MACROD2: variants seen among roughly 807,000 people sequenced by gnomAD.
The protein encoded by MACROD2 is ADP-ribose glycohydrolase MACROD2.
A neutral mutation model predicts 70.4 loss-of-function variants in MACROD2; 36 were observed. The observed-to-expected ratio is 0.51, with a 90% CI of 0.39 to 0.68. The LOEUF (loss-of-function observed/expected upper bound fraction) is 0.68, where lower values mean the gene tolerates loss of function less well. MACROD2 is among the 30% of genes least tolerant of loss of function. The pLI, the probability that MACROD2 is intolerant of heterozygous loss-of-function variation, is 0.00. For synonymous variants in MACROD2, 172 were observed against 178.8 expected (o/e 0.96, Z 0.30); for missense variants, 496 against 538.4 (o/e 0.92, Z 0.78).
intron 6 of MACROD2, among the ~76,000 whole-genome samples, chr20:15,287,163 C>A (rs927497303): frequency 1.3e-4 from 20 of 152,062 alleles, no homozygotes; most frequent in African/African-American, 4.8e-4. Flanking sequence ...CTTTCAAGGT[C>A]ATTAAAAGAA....
chr20:14,663,529 C>CACAT (rs1159739790), intron 4 of MACROD2, among the ~76,000 whole-genome samples: 1 of 150,438 alleles, frequency 6.6e-6, no homozygotes. Context: ...TACACACACA[C>CACAT]ACACACACAC....
In MACROD2 at chr20:15,461,004, ATATT is replaced by A. The variant is rs1176464456; in HGVS notation, c.571+29571_571+29574del. ...TATATATATATATATATATATATAT[ATATT>A]TTTTTTTAATAGATGGGGTCTTGCT... On this transcript the variant is annotated intron_variant, in intron 7 of 17. Coordinates refer to ENST00000684519, the MANE Select transcript of MACROD2 (RefSeq NM_001351661.2). Among the ~76,000 whole-genome samples, 71 of 47,778 alleles carry A rather than the reference ATATT, an allele frequency of 1.5e-3. 2 individuals carry two copies. Among genetic ancestry groups the A allele is most frequent in the South Asian group, 7.0e-3 (6 of 854 alleles). The allele number at this position is 47,778 out of a possible 152,430, so 31.3% of individuals were successfully genotyped here. A position where few individuals can be genotyped will look rare whatever the true frequency, so the allele number is the denominator to read the frequency against.
rs906076366 is a variant in MACROD2, at chr20:15,321,629, GTCC to G, written c.540+91573_540+91575del. ...TAATCAGACTAATTGCTAATTAGGT[GTCC>G]TCCTTGATTCTATTAGTTATAGATT... On this transcript the variant is annotated intron_variant, in intron 6 of 17. Transcript: ENST00000684519. Among the ~76,000 whole-genome samples, 6 of 144,520 alleles carry G rather than the reference GTCC, an allele frequency of 4.2e-5. 2 individuals carry two copies. Among genetic ancestry groups the G allele is most frequent in the Admixed American group, 1.4e-4 (2 of 14,442 alleles). The allele number at this position is 144,520 out of a possible 152,430, so 94.8% of individuals were successfully genotyped here.
chr20:14,424,632 C>G (rs915813260), intron 3 of MACROD2, among the ~76,000 whole-genome samples: 2 of 152,150 alleles, frequency 1.3e-5, no homozygotes, highest in African/African-American at 2.4e-5. Context: ...GAGTCTGAGA[C>G]TGGGTTATGG....
intron 6 of MACROD2, among the ~76,000 whole-genome samples, chr20:15,356,858 A>G (rs1225472554): frequency 6.6e-6 from 1 of 152,248 alleles, no homozygotes; most frequent in Non-Finnish European, 1.5e-5. Flanking sequence ...CTGTAGCCAA[A>G]TACTGTTAAT....
intron 3 of MACROD2, among the ~76,000 whole-genome samples, chr20:14,383,829 A>C (rs533697626): frequency 6.6e-6 from 1 of 152,278 alleles, no homozygotes; most frequent in South Asian, 2.1e-4. Context: ...AATAAAAACC[A>C]ATTTTTCATT....
At chr20:14,491,417 A>G (rs1390961912) in intron 3 of MACROD2, among the ~76,000 whole-genome samples, 3 of 152,232 alleles carry the variant, frequency 2.0e-5, no homozygotes, top group South Asian at 2.1e-4. Flanking sequence ...TATTACATGG[A>G]TAGTAATACA....
intron 8 of MACROD2, among the ~76,000 whole-genome samples, chr20:15,786,834 C>T (rs1339709442): frequency 1.3e-5 from 2 of 152,106 alleles, no homozygotes; most frequent in Non-Finnish European, 2.9e-5. Context: ...AGAATACAAA[C>T]ATTTTAAACC....
intron 2 of MACROD2, among the ~76,000 whole-genome samples, chr20:14,013,184 A>G (rs1208274720): frequency 6.6e-6 from 1 of 151,994 alleles, no homozygotes; most frequent in Non-Finnish European, 1.5e-5. Flanking sequence ...AGTCTCTAAA[A>G]AATGTTCCAA....
chr20:14,841,198 TATAAG>T (rs1169741984), intron 5 of MACROD2, among the ~76,000 whole-genome samples: 1 of 152,092 alleles, frequency 6.6e-6, no homozygotes, highest in African/African-American at 2.4e-5. Context: ...ACTGATGTTC[TATAAG>T]ATAACTTTAT....
chr20:14,943,736 A>G (rs534937025), intron 5 of MACROD2, among the ~76,000 whole-genome samples: 9 of 152,300 alleles, frequency 5.9e-5, no homozygotes. Flanking sequence ...TTTAAATACC[A>G]ATAGTAGATT....
intron 5 of MACROD2, among the ~76,000 whole-genome samples, chr20:15,078,923 G>C (rs1167131194): frequency 6.6e-6 from 1 of 151,928 alleles, no homozygotes; most frequent in Admixed American, 6.6e-5. Context: ...TGGGATTATA[G>C]GCATGAGCCA....
intron 8 of MACROD2, among the ~76,000 whole-genome samples, chr20:15,612,184 TAG>T (rs774745307): frequency 3.1e-4 from 47 of 152,274 alleles, no homozygotes; most frequent in Non-Finnish European, 5.6e-4. Flanking sequence ...TTTCAAATTA[TAG>T]AATACAGCCA....
intron 5 of MACROD2, among the ~76,000 whole-genome samples, chr20:15,228,917 A>C (rs570183120): frequency 3.3e-5 from 5 of 152,326 alleles, no homozygotes; most frequent in African/African-American, 1.2e-4. Context: ...GGTAACGATT[A>C]GTCAACACAA....
rs548690631 is a variant in MACROD2, at chr20:14,996,502, A to G, written c.419-233438A>G. ...CTACCCTTGCAGGAACACAAAACTG[A>G]ACAAATATCAACCCAAGAAAGCACC... On this transcript the variant is annotated intron_variant, in intron 5 of 17. Transcript: ENST00000684519. 2.1e-4 allele frequency among the ~76,000 whole-genome samples: 32 copies of G among 152,306 alleles called. No homozygotes were observed. The South Asian group carries it at 3.7e-3, about 18-fold the overall frequency.
At chr20:14,271,585 G>C (rs913106268) in intron 3 of MACROD2, among the ~76,000 whole-genome samples, 1 of 152,144 alleles carries the variant, frequency 6.6e-6, no homozygotes, top group Admixed American at 6.5e-5. Flanking sequence ...AAAACAGAGC[G>C]CCTTTCCTCC....
At chr20:15,761,891 T>G (rs1414613675) in intron 8 of MACROD2, among the ~76,000 whole-genome samples, 1 of 152,254 alleles carries the variant, frequency 6.6e-6, no homozygotes, top group Non-Finnish European at 1.5e-5. Context: ...TAAAGCTTTC[T>G]TTAAATTTCC....
At chr20:15,989,293 A>G (rs951123212) in intron 15 of MACROD2, among the ~76,000 whole-genome samples, 3 of 152,042 alleles carry the variant, frequency 2.0e-5, no homozygotes, top group African/African-American at 7.2e-5. Flanking sequence ...AACAACAACA[A>G]CTGGTTCTAT....
At chr20:14,522,771 C>G (rs1292470076) in intron 4 of MACROD2, among the ~76,000 whole-genome samples, 2 of 152,152 alleles carry the variant, frequency 1.3e-5, no homozygotes, top group African/African-American at 4.8e-5. Flanking sequence ...ATAAGAGAAC[C>G]CATCCTCATA....
Sources: allele counts gnomAD v4.1 joint callset (sites outside exome capture counted in the v4.1 genomes callset), GRCh38; gene constraint gnomAD v4.1.1; transcripts MANE v1.5; gene names NCBI Gene and HGNC (gene_info 2026-07-23, HGNC 2026-07-21).